Variants in MARCHF1 observed in about 807,000 individuals in gnomAD.
MARCHF1 encodes membrane associated ring-CH-type finger 1.
A neutral mutation model predicts 54.2 loss-of-function variants in MARCHF1; 40 were observed. The ratio of observed to expected loss-of-function variants is 0.74; its 90% CI spans 0.57 to 0.96. MARCHF1 has a LOEUF of 0.96. Among genes scored for constraint, MARCHF1 ranks in the 40% least tolerant of loss-of-function variants. The probability of loss-of-function intolerance (pLI) is 0.00; values close to 1 mark genes in which losing one functional copy is unlikely to be tolerated. For missense variants in MARCHF1, 586 were observed against 656.5 expected, an observed-to-expected ratio of 0.89 and a Z score of 1.17; for synonymous variants, 236 against 236.3, an observed-to-expected ratio of 1.00 and a Z score of 0.01.
intron 1 of MARCHF1, among the ~76,000 whole-genome samples, chr4:164,374,859 T>C (rs1215343178): frequency 6.6e-6 from 1 of 152,112 alleles, no homozygotes; most frequent in Non-Finnish European, 1.5e-5. Flanking sequence ...AGTTTAAACA[T>C]AAGCTATAAA....
chr4:163,797,398 GCTT>G (rs1747949569), intron 4 of MARCHF1, among the ~76,000 whole-genome samples: 1 of 151,208 alleles, frequency 6.6e-6, no homozygotes, highest in Non-Finnish European at 1.5e-5. Context: ...GATTTTTTGG[GCTT>G]CTTGATATGG....
chr4:163,685,402 C>G (rs1744235062), intron 5 of MARCHF1, among the ~76,000 whole-genome samples: 1 of 152,238 alleles, frequency 6.6e-6, no homozygotes, highest in African/African-American at 2.4e-5. Context: ...CAAAATAAGT[C>G]TCCCAATCTT....
chr4:163,771,781 G>GA (rs1447729214), intron 4 of MARCHF1, among the ~76,000 whole-genome samples: 1 of 152,150 alleles, frequency 6.6e-6, no homozygotes, highest in Admixed American at 6.5e-5. Flanking sequence ...TGGAATTCAG[G>GA]AATCAGCACC....
chr4:163,597,551 T>C (rs1037253850), intron 7 of MARCHF1, among the ~76,000 whole-genome samples: 51 of 152,332 alleles, frequency 3.3e-4, no homozygotes, highest in African/African-American at 1.2e-3. Context: ...ATCTAAATAG[T>C]GATTATTCAG....
At chr4:164,063,809 T>C (rs530610085) in intron 2 of MARCHF1, among the ~76,000 whole-genome samples, 3 of 152,338 alleles carry the variant, frequency 2.0e-5, no homozygotes, top group South Asian at 4.1e-4. Context: ...ACATGTAGAA[T>C]AACTGTCTTT....
intron 1 of MARCHF1, among the ~76,000 whole-genome samples, chr4:164,292,874 C>T (rs562653223): frequency 1.7e-4 from 26 of 152,096 alleles, no homozygotes; most frequent in African/African-American, 4.6e-4. Context: ...GATTGCCTTC[C>T]CTACAGGTTG....
intron 3 of MARCHF1, among the ~76,000 whole-genome samples, chr4:163,949,650 TG>T (rs1752093878): frequency 6.6e-6 from 1 of 152,046 alleles, no homozygotes; most frequent in Admixed American, 6.5e-5. Flanking sequence ...AGACCCACAG[TG>T]GGTAGCTTCT....
intron 1 of MARCHF1, among the ~76,000 whole-genome samples, chr4:164,285,632 C>T (rs180883958): frequency 0.023 from 3,408 of 151,410 alleles, 52 homozygotes; most frequent in Middle Eastern, 0.075. Flanking sequence ...TTAGTAGAGA[C>T]GGGGTTTCAC....
At chr4:163,533,523 GCTC>G (rs1449423434) in intron 9 of MARCHF1, among the ~76,000 whole-genome samples, 1 of 151,704 alleles carries the variant, frequency 6.6e-6, no homozygotes, top group African/African-American at 2.4e-5. Flanking sequence ...AAGAATATTG[GCTC>G]CTCAGTGGTA....
At chr4:164,220,694 T>TATATATGTATATATGTAATATATATG (rs1560959980) in intron 1 of MARCHF1, among the ~76,000 whole-genome samples, 9 of 121,366 alleles carry the variant, frequency 7.4e-5, no homozygotes, top group African/African-American at 1.7e-4. Context: ...ATATATATGC[T>TATATATGTATATATGTAATATATATG]ATATATGTAT....
chr4:163,794,031 C>T (rs972453365), intron 4 of MARCHF1, among the ~76,000 whole-genome samples: 1 of 152,162 alleles, frequency 6.6e-6, no homozygotes, highest in African/African-American at 2.4e-5. Flanking sequence ...ATTATATTTT[C>T]TTTCTAAGTA....
chr4:163,574,206 G>A (rs1216301063), intron 8 of MARCHF1, among the ~76,000 whole-genome samples: 1 of 152,060 alleles, frequency 6.6e-6, no homozygotes, highest in Admixed American at 6.6e-5. Flanking sequence ...GTAGATTCTG[G>A]ATATTAGCCC....
chr4:163,858,749 TA>T (rs1333487421), intron 3 of MARCHF1, among the ~76,000 whole-genome samples: 4 of 152,240 alleles, frequency 2.6e-5, no homozygotes, highest in African/African-American at 7.2e-5. Context: ...CATTCATGCC[TA>T]TCACTCACAT....
intron 9 of MARCHF1, among the ~76,000 whole-genome samples, chr4:163,532,431 A>C (rs531165753): frequency 1.3e-5 from 2 of 152,038 alleles, no homozygotes; most frequent in African/African-American, 4.8e-5. Flanking sequence ...ACAAAAATTA[A>C]CTCAAAATGG....
intron 3 of MARCHF1, among the ~76,000 whole-genome samples, chr4:163,956,488 C>T (rs1389667444): frequency 1.3e-5 from 2 of 152,014 alleles, no homozygotes; most frequent in Non-Finnish European, 2.9e-5. Context: ...TTCTTTAGCC[C>T]ACTAGTTAAT....
intron 3 of MARCHF1, among the ~76,000 whole-genome samples, chr4:163,970,383 G>C (rs568355531): frequency 6.6e-6 from 1 of 152,118 alleles, no homozygotes; most frequent in Non-Finnish European, 1.5e-5. Context: ...GAAATACACC[G>C]AGTCATCCAT....
intron 1 of MARCHF1, among the ~76,000 whole-genome samples, chr4:164,298,023 A>G (rs1373209823): frequency 6.6e-6 from 1 of 152,148 alleles, no homozygotes; most frequent in Non-Finnish European, 1.5e-5. Context: ...TAATCTAGTT[A>G]TATGTCTCAA....
intron 1 of MARCHF1, among the ~76,000 whole-genome samples, chr4:164,122,789 C>T (rs1756097869): frequency 6.6e-6 from 1 of 151,990 alleles, no homozygotes; most frequent in African/African-American, 2.4e-5. Context: ...ATACCCCAGA[C>T]AACATAGCCT....
chr4:163,831,606 T>TA (rs1286035450), intron 4 of MARCHF1, among the ~76,000 whole-genome samples: 4 of 151,294 alleles, frequency 2.6e-5, no homozygotes, highest in African/African-American at 9.8e-5. Context: ...AATTAAATTT[T>TA]AAAAAATAAA....
Sources: allele counts gnomAD v4.1 joint callset (sites outside exome capture counted in the v4.1 genomes callset), GRCh38; gene constraint gnomAD v4.1.1; transcripts MANE v1.5; gene names NCBI Gene and HGNC (gene_info 2026-07-23, HGNC 2026-07-21).